The following RAPGEF6 variants were observed in gnomAD, a reference collection of about 807,000 sequenced individuals.
RAPGEF6 encodes Rap guanine nucleotide exchange factor 6, also known as PDZ domain containing guanine nucleotide exchange factor (GEF) 2.
In RAPGEF6, 56 loss-of-function variants were observed where a neutral mutation model predicts 171.4. That is an observed-to-expected ratio of 0.33 (90% CI 0.26 to 0.41). RAPGEF6 has a LOEUF of 0.41. Among genes scored for constraint, RAPGEF6 ranks in the 10% least tolerant of loss-of-function variants. RAPGEF6 has a pLI of 1.00. For synonymous variants in RAPGEF6, 692 were observed against 650.1 expected (o/e 1.06, Z -0.98); for missense variants, 1,674 against 1,921.4 (o/e 0.87, Z 2.41).
At chr5:131,431,465 C>T in intron 25 of RAPGEF6, 116 bp from the exon 26 acceptor site, 3 of 1,094,370 alleles carry the variant, frequency 2.7e-6, no homozygotes, top group Non-Finnish European at 3.9e-6. Flanking sequence ...GTGTTCATGC[C>T]AAATAACATC....
Position 131,467,549 on chromosome 5 carries a change from T to A in RAPGEF6, c.2240-3268A>T, listed in dbSNP as rs562334795. ...GTTTCTTGTTAGTAGGAAAACCACA[T>A]ACATGCCAAGCACAATATTTGGCAT... On this transcript the variant is annotated intron_variant, in intron 17 of 27. Transcript: ENST00000509018. 4.6e-5 allele frequency among the ~76,000 whole-genome samples: 7 copies of A among 152,202 alleles called. No individual in the cohort carries two copies. The South Asian group carries it at 1.2e-3, about 27-fold the overall frequency.
intron 15 of RAPGEF6, among the ~76,000 whole-genome samples, chr5:131,483,208 G>A (rs1411266266): frequency 3.9e-5 from 6 of 151,976 alleles, no homozygotes; most frequent in African/African-American, 1.5e-4. Context: ...AATGAGCGGG[G>A]CACGGTGGCG....
intron 12 of RAPGEF6, 89 bp from the exon 13 acceptor site, chr5:131,495,749 A>C: frequency 6.7e-7 from 1 of 1,482,514 alleles, no homozygotes. Flanking sequence ...AAACTCATGA[A>C]GAACTGACAA....
At position 131,502,564 on chromosome 5, in the gene RAPGEF6, TCATGAGGAAATACTG is replaced by T. The variant is rs1200256240; in HGVS notation, c.1254+2047_1254+2061del. On this transcript the variant is annotated intron_variant, in intron 11 of 27. Coordinates refer to ENST00000509018, the MANE Select transcript of RAPGEF6 (RefSeq NM_016340.6). ...GAAAGCATGACTTGAATCTATCTGG[TCATGAGGAAATACTG>T]GAAAGATCCAGGTGGAGGGTAATAC... Among the ~76,000 whole-genome samples, 9 of 152,272 alleles carry T rather than the reference TCATGAGGAAATACTG, an allele frequency of 5.9e-5. 1 individual carries two copies. The East Asian group carries it at 1.2e-3, about 20-fold the overall frequency.
At chr5:131,450,476 G>C (rs1348952016) in intron 21 of RAPGEF6, among the ~76,000 whole-genome samples, 1 of 152,024 alleles carries the variant, frequency 6.6e-6, no homozygotes, top group East Asian at 1.9e-4. Flanking sequence ...GAAATTACAA[G>C]GGACATAAAA....
At chr5:131,580,646 A>G (rs967029278) in intron 4 of RAPGEF6, among the ~76,000 whole-genome samples, 25 of 152,352 alleles carry the variant, frequency 1.6e-4, no homozygotes, top group Non-Finnish European at 8.8e-5. Flanking sequence ...CCATGAGAAC[A>G]GAACCTCTCC....
In RAPGEF6 at chr5:131,472,524, C is replaced by G. The variant is rs187144808; in HGVS notation, c.2239+63G>C. The G allele has an allele frequency of 3.5e-5, 55 of 1,553,112 alleles. 1 individual carries two copies. The East Asian group carries it at 1.2e-3, about 34-fold the overall frequency. Reference sequence around the variant, plus strand: ...TAACTCTAGCACTTGCTGCACAAGGCTTAACCATCTATTTGTTCATTTGGT... The same window carrying G: ...TAACTCTAGCACTTGCTGCACAAGGGTTAACCATCTATTTGTTCATTTGGT... On this transcript the variant is annotated intron_variant, in intron 17 of 27. Coordinates refer to ENST00000509018, the MANE Select transcript of RAPGEF6 (RefSeq NM_016340.6).
chr5:131,437,368 T>G (rs553076845), intron 24 of RAPGEF6, among the ~76,000 whole-genome samples: 1 of 152,322 alleles, frequency 6.6e-6, no homozygotes, highest in African/African-American at 2.4e-5. Context: ...AATACCACTT[T>G]CCAGAAGTCA....
intron 1 of RAPGEF6, among the ~76,000 whole-genome samples, chr5:131,608,536 G>A (rs1764742317): frequency 6.6e-6 from 1 of 152,182 alleles, no homozygotes; most frequent in African/African-American, 2.4e-5. Context: ...TATGGGTCAT[G>A]CCAAAGGATA....
chr5:131,543,121 C>T (rs975891412), intron 6 of RAPGEF6, among the ~76,000 whole-genome samples: 1 of 152,028 alleles, frequency 6.6e-6, no homozygotes, highest in Non-Finnish European at 1.5e-5. Context: ...TTTTCTGTAA[C>T]TGATGGTAGG....
intron 4 of RAPGEF6, among the ~76,000 whole-genome samples, chr5:131,584,945 C>T (rs1482121286): frequency 1.3e-5 from 2 of 152,130 alleles, no homozygotes; most frequent in Non-Finnish European, 2.9e-5. Context: ...ATCCACTGGA[C>T]AGTTACAGTA....
intron 6 of RAPGEF6, among the ~76,000 whole-genome samples, chr5:131,533,209 CACA>C (rs1561542241): frequency 1.4e-4 from 21 of 150,060 alleles, no homozygotes; most frequent in South Asian, 6.3e-4. Flanking sequence ...CACACACACA[CACA>C]CCCCATCCTC....
intron 4 of RAPGEF6, among the ~76,000 whole-genome samples, chr5:131,589,650 A>G (rs1264613268): frequency 6.6e-6 from 1 of 152,244 alleles, no homozygotes; most frequent in East Asian, 1.9e-4. Flanking sequence ...ATACTTTGTG[A>G]TAAGGATGAG....
intron 18 of RAPGEF6, among the ~76,000 whole-genome samples, chr5:131,463,148 G>A (rs1425112732): frequency 1.3e-5 from 2 of 152,142 alleles, no homozygotes; most frequent in African/African-American, 4.8e-5. Context: ...TGAATCCAGG[G>A]TCTATGCTCT....
intron 4 of RAPGEF6, among the ~76,000 whole-genome samples, chr5:131,570,041 CAAA>C (rs34729268): frequency 4.8e-3 from 132 of 27,388 alleles, no homozygotes; most frequent in African/African-American, 0.018. Flanking sequence ...GACTCTGTCT[CAAA>C]AAAAAAAAAA....
chr5:131,528,538 T>C (rs1759147030), intron 6 of RAPGEF6, among the ~76,000 whole-genome samples: 1 of 151,520 alleles, frequency 6.6e-6, no homozygotes, highest in Non-Finnish European at 1.5e-5. Flanking sequence ...GTTGGAAGGA[T>C]GTTTCTAAAT....
chr5:131,549,448 T>C (rs1030484475), intron 5 of RAPGEF6, among the ~76,000 whole-genome samples: 1 of 152,168 alleles, frequency 6.6e-6, no homozygotes, highest in African/African-American at 2.4e-5. Flanking sequence ...ATTCTATATA[T>C]GTCATGTATT....
At chr5:131,507,281 A>G (rs1757434610) in intron 9 of RAPGEF6, among the ~76,000 whole-genome samples, 1 of 151,108 alleles carries the variant, frequency 6.6e-6, no homozygotes, top group Admixed American at 6.6e-5. Flanking sequence ...ACCTTTTGAA[A>G]TAACTCTTTG....
chr5:131,583,916 A>G, intron 4 of RAPGEF6, among the ~76,000 whole-genome samples: 1 of 152,244 alleles, frequency 6.6e-6, no homozygotes, highest in East Asian at 1.9e-4. Flanking sequence ...ACTGAGTGCA[A>G]GAAGCTGAAT....
Sources: allele counts gnomAD v4.1 joint callset (sites outside exome capture counted in the v4.1 genomes callset), GRCh38; gene constraint gnomAD v4.1.1; transcripts MANE v1.5; gene names NCBI Gene and HGNC (gene_info 2026-07-23, HGNC 2026-07-21).